TUNAR: variants seen among roughly 807,000 people sequenced by gnomAD.
TUNAR encodes protein TUNAR.
chr14:95,902,121 C>T (rs1439795354), intron 2 of TUNAR, among the ~76,000 whole-genome samples: 1 of 152,120 alleles, frequency 6.6e-6, no homozygotes, highest in Non-Finnish European at 1.5e-5. Flanking sequence ...GGGAGAGTAG[C>T]GGGAATTTAG....
chr14:95,906,659 C>T (rs1014898757), intron 2 of TUNAR, among the ~76,000 whole-genome samples: 1 of 152,200 alleles, frequency 6.6e-6, no homozygotes, highest in African/African-American at 2.4e-5. Flanking sequence ...TTCCCACCCC[C>T]TTCAGTGTGG....
At chr14:95,883,018 A>G (rs987533080) in intron 2 of TUNAR, among the ~76,000 whole-genome samples, 3 of 152,200 alleles carry the variant, frequency 2.0e-5, no homozygotes, top group African/African-American at 4.8e-5. Context: ...CAGTACGTCT[A>G]TTATCCTTTA....
intron 2 of TUNAR, among the ~76,000 whole-genome samples, chr14:95,890,296 G>A (rs1889157655): frequency 6.6e-6 from 1 of 152,158 alleles, no homozygotes; most frequent in East Asian, 1.9e-4. Flanking sequence ...TGTACCCTTT[G>A]TCTCTAACCT....
At chr14:95,884,424 G>A (rs1889036440) in intron 2 of TUNAR, among the ~76,000 whole-genome samples, 1 of 152,202 alleles carries the variant, frequency 6.6e-6, no homozygotes, top group African/African-American at 2.4e-5. Flanking sequence ...GCCCTGGTAG[G>A]TGGGGCACAA....
intron 2 of TUNAR, chr14:95,896,007 C>T (rs376653732): frequency 1.3e-5 from 2 of 152,182 alleles, no homozygotes; most frequent in Admixed American, 1.3e-4. Context: ...TAGCGTGGTA[C>T]CTGGCCCCAG....
intron 2 of TUNAR, among the ~76,000 whole-genome samples, chr14:95,914,492 T>A (rs1420375618): frequency 6.6e-6 from 1 of 152,204 alleles, no homozygotes; most frequent in Non-Finnish European, 1.5e-5. Flanking sequence ...CTGCCCAGTT[T>A]GGGCTGAAAA....
chr14:95,905,167 C>G (rs1215240898), intron 2 of TUNAR, among the ~76,000 whole-genome samples: 1 of 152,224 alleles, frequency 6.6e-6, no homozygotes, highest in Admixed American at 6.5e-5. Flanking sequence ...TTTCCGCACC[C>G]AGTGGCCCCT....
intron 2 of TUNAR, among the ~76,000 whole-genome samples, chr14:95,902,133 T>C (rs1439096685): frequency 1.3e-5 from 2 of 152,184 alleles, no homozygotes; most frequent in Admixed American, 6.5e-5. Flanking sequence ...GGAATTTAGA[T>C]AGCTAGGCAG....
At chr14:95,913,007 G>A (rs1281059806) in intron 2 of TUNAR, among the ~76,000 whole-genome samples, 2 of 152,048 alleles carry the variant, frequency 1.3e-5, no homozygotes, top group East Asian at 1.9e-4. Context: ...TAGCCAGGAC[G>A]GTCTCCATCT....
chr14:95,908,771 T>C (rs1889466564), intron 2 of TUNAR, among the ~76,000 whole-genome samples: 1 of 152,168 alleles, frequency 6.6e-6, no homozygotes, highest in African/African-American at 2.4e-5. Flanking sequence ...CATGAATCCA[T>C]TACAGATGAG....
intron 2 of TUNAR, among the ~76,000 whole-genome samples, chr14:95,909,649 C>T (rs1889482280): frequency 6.6e-6 from 1 of 152,194 alleles, no homozygotes; most frequent in Non-Finnish European, 1.5e-5. Context: ...CCCCCCATCT[C>T]AGCTGCCTCT....
intron 2 of TUNAR, among the ~76,000 whole-genome samples, chr14:95,915,576 C>T (rs577947760): frequency 1.3e-5 from 2 of 152,322 alleles, no homozygotes; most frequent in African/African-American, 2.4e-5. Context: ...CAAAGAAAGA[C>T]CATGAATGCT....
chr14:95,885,514 A>T (rs1453765594), intron 2 of TUNAR, among the ~76,000 whole-genome samples: 1 of 152,180 alleles, frequency 6.6e-6, no homozygotes, highest in Non-Finnish European at 1.5e-5. Flanking sequence ...TTTCCTGAGC[A>T]GAGTTGAGCG....
intron 2 of TUNAR, among the ~76,000 whole-genome samples, chr14:95,901,008 A>C (rs1889344058): frequency 6.6e-6 from 1 of 152,100 alleles, no homozygotes; most frequent in South Asian, 2.1e-4. Flanking sequence ...ACCTATTTTT[A>C]GGAGCGTATT....
intron 2 of TUNAR, among the ~76,000 whole-genome samples, chr14:95,890,930 C>T (rs954790990): frequency 6.6e-6 from 1 of 152,176 alleles, no homozygotes; most frequent in African/African-American, 2.4e-5. Flanking sequence ...TACACCGGGA[C>T]CCACAGCACT....
intron 2 of TUNAR, among the ~76,000 whole-genome samples, chr14:95,921,766 T>C (rs1222935475): frequency 6.6e-6 from 1 of 152,188 alleles, no homozygotes; most frequent in Non-Finnish European, 1.5e-5. Flanking sequence ...GAAAATCAAA[T>C]AGCACATGTC....
At chr14:95,914,251 C>T (rs1889566397) in intron 2 of TUNAR, among the ~76,000 whole-genome samples, 1 of 152,210 alleles carries the variant, frequency 6.6e-6, no homozygotes, top group Admixed American at 6.5e-5. Flanking sequence ...AGACAATCAT[C>T]TAGAAGCCAA....
intron 2 of TUNAR, among the ~76,000 whole-genome samples, chr14:95,900,382 G>A (rs573671690): frequency 2.6e-5 from 4 of 152,304 alleles, no homozygotes; most frequent in East Asian, 1.9e-4. Context: ...GAGCAGAGAC[G>A]GCACCAGGGC....
chr14:95,899,327 C>T (rs899322001), intron 2 of TUNAR, among the ~76,000 whole-genome samples: 2 of 152,104 alleles, frequency 1.3e-5, no homozygotes, highest in Non-Finnish European at 2.9e-5. Flanking sequence ...TATCCCACAG[C>T]CCCCCACAAA....
Sources: allele counts gnomAD v4.1 joint callset (sites outside exome capture counted in the v4.1 genomes callset), GRCh38; gene constraint gnomAD v4.1.1; transcripts MANE v1.5; gene names NCBI Gene and HGNC (gene_info 2026-07-23, HGNC 2026-07-21).